The following MAP6 variants were observed in gnomAD, a reference collection of about 807,000 sequenced individuals.
MAP6 encodes microtubule associated protein 6.
Under a neutral mutation model 42.4 loss-of-function variants are expected in MAP6, and 26 were observed. That is an observed-to-expected ratio of 0.61 (90% confidence interval 0.45 to 0.85). MAP6 has a LOEUF of 0.85. MAP6 is among the 40% of genes least tolerant of loss of function. The probability of loss-of-function intolerance (pLI) is 0.00; values close to 1 mark genes in which losing one functional copy is unlikely to be tolerated. For missense variants in MAP6, 966 were observed against 1,099.0 expected (o/e 0.88, Z 1.71); for synonymous variants, 418 against 443.8 (o/e 0.94, Z 0.73).
rs147590356 is a variant in MAP6 at position 75,646,955 on chromosome 11, T to G, written c.905+20510A>C. ...TATAAGACAAGAAAAACATGGAAAT[T>G]GGGAGCAGTAGAGCTTGATTAATTT... On this transcript the variant is annotated intron_variant, in intron 1 of 3. Coordinates refer to ENST00000304771, the MANE Select transcript of MAP6 (RefSeq NM_033063.2). Among the ~76,000 whole-genome samples, 18 of 151,112 alleles carry G rather than the reference T, an allele frequency of 1.2e-4. No individual in the cohort carries two copies. The East Asian group carries it at 3.5e-3, about 29-fold the overall frequency.
intron 1 of MAP6, among the ~76,000 whole-genome samples, chr11:75,655,882 C>A (rs1439733865): frequency 2.0e-5 from 3 of 152,192 alleles, no homozygotes. Flanking sequence ...GTTTCTATAA[C>A]CTCAGTCCCC....
intron 1 of MAP6, among the ~76,000 whole-genome samples, chr11:75,662,241 C>T (rs902401788): frequency 6.6e-5 from 10 of 151,806 alleles, no homozygotes; most frequent in South Asian, 2.1e-4. Context: ...TTTCCATATA[C>T]GGAAAAATTC....
intron 1 of MAP6, among the ~76,000 whole-genome samples, chr11:75,619,740 G>A (rs1943075196): frequency 6.6e-6 from 1 of 152,208 alleles, no homozygotes; most frequent in Admixed American, 6.5e-5. Flanking sequence ...TGGGCATTTA[G>A]GTTGGTTCCA....
chr11:75,667,830 G>C lies in MAP6; in HGVS notation c.540C>G (p.Ile180Met), dbSNP rs1203142742. The change falls in exon 1 of 4, where the codon ATC becomes ATG. Residue 180 changes from isoleucine to methionine, a missense_variant. Ile to Met is a conservative substitution (Grantham distance 10). Transcript: ENST00000304771. This position sits in a 1 kb window ranked among gnomAD's most constrained non-coding sequence, Gnocchi z 5.6. ...DHPWIPKPVQ[I>M]SAASQASAPI... ...GCGCCGACGCCTGGGAGGCCGCAGA[G>C]ATCTGCACGGGCTTGGGGATCCACG... is the stretch of plus-strand genomic sequence containing the variant. The C allele has an allele frequency of 1.5e-6, 2 of 1,371,166 alleles. No individual in the cohort carries two copies. Among genetic ancestry groups the C allele is most frequent in the African/African-American group, 1.5e-5 (1 of 66,418 alleles). The allele number at this position is 1,371,166 out of a possible 1,614,324, so 84.9% of individuals were successfully genotyped here.
intron 1 of MAP6, among the ~76,000 whole-genome samples, chr11:75,660,472 G>A (rs1053817417): frequency 2.0e-5 from 3 of 152,062 alleles, no homozygotes; most frequent in Non-Finnish European, 4.4e-5. Context: ...CCAGTGACTA[G>A]CATCACTACC....
chr11:75,621,641 C>T (rs760689253), intron 1 of MAP6, among the ~76,000 whole-genome samples: 43 of 151,962 alleles, frequency 2.8e-4, no homozygotes, highest in African/African-American at 1.9e-4. Context: ...AGGAATTGGC[C>T]GGGTAATCCA....
At chr11:75,628,990 G>A (rs1943241450) in intron 1 of MAP6, among the ~76,000 whole-genome samples, 1 of 152,198 alleles carries the variant, frequency 6.6e-6, no homozygotes, top group Non-Finnish European at 1.5e-5. Flanking sequence ...GGAACACAGA[G>A]GCTCTGTGAG....
chr11:75,639,279 G>T (rs567582194), intron 1 of MAP6, among the ~76,000 whole-genome samples: 2 of 152,230 alleles, frequency 1.3e-5, no homozygotes, highest in East Asian at 1.9e-4. Context: ...AGCCACACTT[G>T]TACCCCCTAA....
intron 1 of MAP6, among the ~76,000 whole-genome samples, chr11:75,656,770 C>T (rs1943755998): frequency 6.6e-6 from 1 of 152,192 alleles, no homozygotes. Context: ...GCTCTATCTC[C>T]ATTTAGTTCT....
intron 1 of MAP6, among the ~76,000 whole-genome samples, chr11:75,625,493 T>G (rs767563814): frequency 6.6e-6 from 1 of 152,138 alleles, no homozygotes; most frequent in Non-Finnish European, 1.5e-5. Context: ...AAACATGCCC[T>G]CAATCCCCAC....
chr11:75,667,481 C>T lies in MAP6; in HGVS notation c.889G>A (p.Val297Met). 1 of 1,509,638 alleles carries T rather than the reference C, an allele frequency of 6.6e-7. No homozygotes were observed. 93.5% of individuals were successfully genotyped at this position (1,509,638 alleles called of 1,614,324 possible). A position where few individuals can be genotyped will look rare whatever the true frequency, so the allele number is the denominator to read the frequency against. The change falls in exon 1 of 4, where the codon GTG becomes ATG. Residue 297 changes from valine (V) to methionine (M), a missense_variant. Physicochemically the swap from Val to Met is conservative, Grantham distance 21. Transcript: ENST00000304771. The surrounding 1 kb of genome is among the most constrained non-coding windows in gnomAD (Gnocchi z 5.6). The stretch of plus-strand genomic sequence containing the variant: ...GCGTCTCACCTGTAGGAGCTGCTCA[C>T]TGCACTCGCCACCTCCTCGCGGATT... ...RQIREEVASA[V>M]SSSYRNEFRA...
At chr11:75,607,976 T>G (rs1942810403) in intron 2 of MAP6, 133 bp downstream of exon 2, 1 of 791,634 alleles carries the variant, frequency 1.3e-6, no homozygotes, top group African/African-American at 1.7e-5. Flanking sequence ...TCAGTGTGCT[T>G]TAGAGGAAGC....
chr11:75,640,867 C>T lies in MAP6; in HGVS notation c.905+26598G>A, dbSNP rs536584389. Among the ~76,000 whole-genome samples, 207 of 152,252 alleles carry T rather than the reference C, an allele frequency of 1.4e-3. 1 individual carries two copies. The highest frequency in any genetic ancestry group is 4.7e-3 in the African/African-American group (197 of 41,560). ...TGGAGAGGATGTGGAGAAATAGGAACACTTTTACACTGTTGGTGGGACTGT... is the reference window on the plus strand; with the variant it reads ...TGGAGAGGATGTGGAGAAATAGGAATACTTTTACACTGTTGGTGGGACTGT... On this transcript the variant is annotated intron_variant, in intron 1 of 3. Transcript: ENST00000304771.
intron 1 of MAP6, among the ~76,000 whole-genome samples, chr11:75,659,478 C>T (rs896534351): frequency 2.0e-5 from 3 of 152,172 alleles, no homozygotes; most frequent in African/African-American, 7.2e-5. Context: ...GAAGGGGAAT[C>T]ATAAGCTCTA....
At chr11:75,662,349 T>A (rs1467172033) in intron 1 of MAP6, among the ~76,000 whole-genome samples, 1 of 152,234 alleles carries the variant, frequency 6.6e-6, no homozygotes, top group Non-Finnish European at 1.5e-5. Context: ...TATGTGTATA[T>A]ATATGAGTAT....
chr11:75,607,598 A>G, intron 2 of MAP6: 1 of 985,436 alleles, frequency 1.0e-6, no homozygotes, highest in Middle Eastern at 5.2e-4. Context: ...CCGAGAAGTC[A>G]TAGTGGATGG....
At chr11:75,595,860 CCTCT>C (rs1210704350) in intron 3 of MAP6, among the ~76,000 whole-genome samples, 1 of 151,978 alleles carries the variant, frequency 6.6e-6, no homozygotes, top group Non-Finnish European at 1.5e-5. Context: ...CCCCTCCTCT[CCTCT>C]CTCTCTTCCC....
At chr11:75,604,871 G>C in intron 3 of MAP6, 1 of 985,478 alleles carries the variant, frequency 1.0e-6, no homozygotes, top group Non-Finnish European at 1.2e-6. Context: ...GTTCAGGAAG[G>C]GAGAGTAAAC....
At chr11:75,633,588 C>G (rs1943318748) in intron 1 of MAP6, among the ~76,000 whole-genome samples, 1 of 152,120 alleles carries the variant, frequency 6.6e-6, no homozygotes, top group South Asian at 2.1e-4. Context: ...GAAGTTCCAA[C>G]AAGAATAATA....
Sources: gnomAD v4.1 joint callset for allele counts (sites outside exome capture counted in the v4.1 genomes callset) on GRCh38, gnomAD v4.1.1 for gene constraint, Gnocchi (gnomAD v3.1) non-coding constraint, MANE v1.5 for transcripts, NCBI Gene and HGNC (gene_info 2026-07-23, HGNC 2026-07-21) for gene names.